The following ARL8B variants were observed in gnomAD, a reference collection of about 807,000 sequenced individuals.
ARL8B encodes ARF like GTPase 8B, also known as ADP-ribosylation factor-like protein 8B.
ARL8B carries 9 observed loss-of-function variants against 30.6 expected under a neutral mutation model. The observed-to-expected ratio is 0.29, with a 90% CI of 0.18 to 0.51. The LOEUF (loss-of-function observed/expected upper bound fraction) is 0.51. Among genes scored for constraint, ARL8B ranks in the 20% least tolerant of loss-of-function variants. The pLI is 0.97. For synonymous variants in ARL8B, 74 were observed against 76.0 expected, an observed-to-expected ratio of 0.97 and a Z score of 0.14; for missense variants, 130 against 227.2, an observed-to-expected ratio of 0.57 and a Z score of 2.75.
intron 2 of ARL8B, 26 bp downstream of exon 2, chr3:5,170,609 T>C (rs761164159): frequency 1.9e-6 from 3 of 1,556,334 alleles, no homozygotes; most frequent in Non-Finnish European, 2.7e-6. Context: ...CCGTACGCAA[T>C]TTAAATTGTT....
intron 1 of ARL8B, among the ~76,000 whole-genome samples, chr3:5,127,974 G>A (rs1023476892): frequency 6.7e-6 from 1 of 150,006 alleles, no homozygotes; most frequent in Non-Finnish European, 1.5e-5. Context: ...CGGATCATGA[G>A]GTCAGGAGTT....
intron 1 of ARL8B, among the ~76,000 whole-genome samples, chr3:5,165,215 G>A (rs989265348): frequency 2.6e-5 from 4 of 151,954 alleles, no homozygotes; most frequent in East Asian, 1.9e-4. Context: ...CCCCCTAGAC[G>A]AGTATCTTAT....
chr3:5,176,527 C>T (rs1239721795), intron 6 of ARL8B, among the ~76,000 whole-genome samples: 1 of 152,176 alleles, frequency 6.6e-6, no homozygotes, highest in Non-Finnish European at 1.5e-5. Context: ...CCACCACGCC[C>T]AGCCACAAAT....
At chr3:5,170,705 C>T in intron 2 of ARL8B, 122 bp downstream of exon 2, 1 of 623,338 alleles carries the variant, frequency 1.6e-6, no homozygotes, top group Non-Finnish European at 2.7e-6. Flanking sequence ...GTGCATGTTT[C>T]AAAAGAATAG....
Position 5,122,408 on chromosome 3 carries a change from AGTCGTCGACGCCGCCGCTC to A in ARL8B, c.-54_-36del. The A allele has an allele frequency of 6.2e-7, 1 of 1,607,260 alleles. No homozygotes were observed. The highest frequency in any genetic ancestry group is 8.5e-7 in the Non-Finnish European group (1 of 1,177,824). ...CCGGGCGGAGGCCCGCTCGTGTGGA[AGTCGTCGACGCCGCCGCTC>A]GTCCGTCCTCCCGTCCGTTCTCGCT... is the stretch of plus-strand genomic sequence containing the variant. On this transcript the variant is annotated 5_prime_UTR_variant, in exon 1 of 7. Transcript: ENST00000256496.
chr3:5,140,539 A>G (rs1407049444), intron 1 of ARL8B, among the ~76,000 whole-genome samples: 1 of 149,816 alleles, frequency 6.7e-6, no homozygotes, highest in African/African-American at 2.5e-5. Context: ...GCATGAGAAC[A>G]GACTCATACA....
rs2054762146 is a variant in ARL8B at position 5,179,730 on chromosome 3, C to T, written c.*1017C>T. On this transcript the variant is annotated 3_prime_UTR_variant, in exon 7 of 7. Transcript: ENST00000256496. ...AAACAAATAAAAAATTTTTATTTTT[C>T]TCTCTTACTGATGTAAGCTTTGGCA... 1 of 152,504 alleles carries T rather than the reference C, an allele frequency of 6.6e-6. No homozygotes were observed. The highest frequency in any genetic ancestry group is 1.5e-5 in the Non-Finnish European group (1 of 68,018). The allele number at this position is 152,504 out of a possible 1,614,324, so 9.4% of individuals were successfully genotyped here.
rs184589714 is a variant in ARL8B at position 5,125,077 on chromosome 3, A to C, written c.123+2489A>C. ...ATGAGCATGACCTTTGAAGTCAGAC[A>C]GCCCTGGATTTGAAATCTGGCTCTG... On this transcript the variant is annotated intron_variant, in intron 1 of 6. Coordinates refer to ENST00000256496, the MANE Select transcript of ARL8B (RefSeq NM_018184.3). 2.0e-5 allele frequency among the ~76,000 whole-genome samples: 3 copies of C among 152,352 alleles called. No individual in the cohort carries two copies. In the East Asian group the frequency reaches 5.8e-4, roughly 29 times the overall value.
At chr3:5,165,672 A>G (rs1242321310) in intron 1 of ARL8B, among the ~76,000 whole-genome samples, 1 of 152,160 alleles carries the variant, frequency 6.6e-6, no homozygotes. Flanking sequence ...TTAGAGGAAA[A>G]AAACCATGAG....
chr3:5,162,956 A>G (rs983225282), intron 1 of ARL8B, among the ~76,000 whole-genome samples: 3 of 142,292 alleles, frequency 2.1e-5, no homozygotes, highest in Non-Finnish European at 4.6e-5. Flanking sequence ...GCCTATCTTT[A>G]TGTCTGTGTG....
chr3:5,133,013 G>A (rs1368922625), intron 1 of ARL8B, among the ~76,000 whole-genome samples: 16 of 152,148 alleles, frequency 1.1e-4, no homozygotes, highest in Admixed American at 9.2e-4. Context: ...CAACAAATAT[G>A]TCAAGCAGTG....
rs111620405 is a variant in ARL8B, at chr3:5,122,332, C to A, written c.-134C>A. 7.9e-5 allele frequency: 121 copies of A among 1,533,098 alleles called. 2 individuals are homozygous for A. In the East Asian group the frequency reaches 2.8e-3, roughly 35 times the overall value. The allele number at this position is 1,533,098 out of a possible 1,614,324, so 95.0% of individuals were successfully genotyped here. On this transcript the variant is annotated 5_prime_UTR_variant, in exon 1 of 7. Transcript: ENST00000256496. The stretch of plus-strand genomic sequence containing the variant: ...CTTCCTGGGTCTGGCTGCTGCCGCC[C>A]GCCGGTGTCCGCCCGTGTCGCGCCG...
intron 1 of ARL8B, among the ~76,000 whole-genome samples, chr3:5,154,222 C>T (rs1444006161): frequency 6.6e-6 from 1 of 151,864 alleles, no homozygotes; most frequent in East Asian, 1.9e-4. Context: ...ATTACTCTCT[C>T]TCTTATTCCA....
rs568307550 is a variant in ARL8B, at chr3:5,151,580, T to G, written c.124-18923T>G. On this transcript the variant is annotated intron_variant, in intron 1 of 6. Coordinates refer to ENST00000256496, the MANE Select transcript of ARL8B (RefSeq NM_018184.3). ...AGGCTTCCTTCTGTGACCAATAGAT[T>G]ATATAGCCAAGTATTTGGTTGTTTC... is the stretch of plus-strand genomic sequence containing the variant. Among the ~76,000 whole-genome samples, 16 of 152,336 alleles carry G rather than the reference T, an allele frequency of 1.1e-4. No homozygotes were observed. The East Asian group carries it at 3.1e-3, about 29-fold the overall frequency.
At position 5,180,253 on chromosome 3, in the gene ARL8B, T is replaced by C. The variant is rs1343367638; in HGVS notation, c.*1540T>C. On this transcript the variant is annotated 3_prime_UTR_variant, in exon 7 of 7. Coordinates refer to ENST00000256496, the MANE Select transcript of ARL8B (RefSeq NM_018184.3). ...ATACTGCACTGTGTTGCACAGACAC[T>C]ACTTGCTTTTCTCCATTCATATTTT... The C allele has an allele frequency of 1.3e-5, 2 of 152,680 alleles. No individual in the cohort carries two copies. The highest frequency in any genetic ancestry group is 2.9e-5 in the Non-Finnish European group (2 of 68,038). The allele number at this position is 152,680 out of a possible 1,614,324, so 9.5% of individuals were successfully genotyped here.
rs540369393 is a variant in ARL8B, at chr3:5,180,009, T to C, written c.*1296T>C. On this transcript the variant is annotated 3_prime_UTR_variant, in exon 7 of 7. Coordinates refer to ENST00000256496, the MANE Select transcript of ARL8B (RefSeq NM_018184.3). ...TAATACTGGTTCATTTGTAAATTAT[T>C]ATTCATATAGACCACTGTAGTAGAT... 1 of 152,800 alleles carries C rather than the reference T, an allele frequency of 6.5e-6. No individual in the cohort carries two copies. Among genetic ancestry groups the C allele is most frequent in the East Asian group, 1.9e-4 (1 of 5,190 alleles). 9.5% of individuals were successfully genotyped at this position (152,800 alleles called of 1,614,324 possible).
intron 1 of ARL8B, among the ~76,000 whole-genome samples, chr3:5,150,640 G>A (rs1203521747): frequency 2.1e-5 from 3 of 142,792 alleles, no homozygotes; most frequent in African/African-American, 5.2e-5. Context: ...AAACTTAGCT[G>A]GGCGTGGTGG....
At chr3:5,172,822 G>A (rs1005341214) in intron 4 of ARL8B, 82 bp downstream of exon 4, 28 of 932,750 alleles carry the variant, frequency 3.0e-5, no homozygotes, top group Non-Finnish European at 4.4e-5. Flanking sequence ...TATTAATTAT[G>A]TTTGAAATCA....
intron 1 of ARL8B, among the ~76,000 whole-genome samples, chr3:5,162,770 T>C (rs1023255572): frequency 5.9e-5 from 9 of 152,314 alleles, no homozygotes; most frequent in South Asian, 4.1e-4. Flanking sequence ...ATGAATCTTT[T>C]ATTTTTACTA....
Sources: allele counts gnomAD v4.1 joint callset (sites outside exome capture counted in the v4.1 genomes callset), GRCh38; gene constraint gnomAD v4.1.1; transcripts MANE v1.5; gene names NCBI Gene and HGNC (gene_info 2026-07-23, HGNC 2026-07-21).